The following IGF2BP3 variants were observed in gnomAD, a reference collection of about 807,000 sequenced individuals.
IGF2BP3 encodes insulin like growth factor 2 mRNA binding protein 3.
IGF2BP3 carries 9 observed loss-of-function variants against 73.8 expected under a neutral mutation model. The observed-to-expected ratio is 0.12, with a 90% CI of 0.07 to 0.21. IGF2BP3 has a LOEUF of 0.21. IGF2BP3 is among the 10% of genes least tolerant of loss of function. The pLI is 1.00. For missense variants in IGF2BP3, 542 were observed against 714.0 expected (o/e 0.76, Z 2.75); for synonymous variants, 258 against 256.7 (o/e 1.01, Z -0.05).
chr7:23,414,443 T>A (rs1787125296), intron 3 of IGF2BP3: 1 of 152,130 alleles, frequency 6.6e-6, no homozygotes, highest in South Asian at 2.1e-4. Context: ...GTCACAAGCG[T>A]TTCTGCTGTG....
chr7:23,454,907 T>C (rs1263844185), intron 2 of IGF2BP3, among the ~76,000 whole-genome samples: 1 of 152,242 alleles, frequency 6.6e-6, no homozygotes, highest in East Asian at 1.9e-4. Context: ...TTAAAAAAAT[T>C]ACATGGGCTC....
At chr7:23,438,480 A>C (rs1787855726) in intron 2 of IGF2BP3, among the ~76,000 whole-genome samples, 1 of 152,190 alleles carries the variant, frequency 6.6e-6, no homozygotes, top group African/African-American at 2.4e-5. Context: ...ATTTCAAGGC[A>C]AATATCCAAC....
In IGF2BP3 at chr7:23,312,308, G is replaced by T; in HGVS notation, c.*54C>A. On this transcript the variant is annotated 3_prime_UTR_variant, in exon 15 of 15. Transcript: ENST00000258729. ...GGGTCAGCGCCCATCTGTTGGTTAA[G>T]CAATCTGTCTTTGGTTTGGCATCTG... is the stretch of plus-strand genomic sequence containing the variant. 2 of 1,281,822 alleles carry T rather than the reference G, an allele frequency of 1.6e-6. No homozygotes were observed. The highest frequency in any genetic ancestry group is 2.3e-6 in the Non-Finnish European group (2 of 880,290). The allele number at this position is 1,281,822 out of a possible 1,614,324, so 79.4% of individuals were successfully genotyped here.
chr7:23,334,222 G>A lies in IGF2BP3; in HGVS notation c.1203+7842C>T, dbSNP rs1174817871. Among the ~76,000 whole-genome samples, 3 of 152,166 alleles carry A rather than the reference G, an allele frequency of 2.0e-5. No homozygotes were observed. In the East Asian group the frequency reaches 5.8e-4, roughly 29 times the overall value. ...ACGTGACTGTAATTCCAGCTACTCA[G>A]GAGGCTGAGGCAGGAGAATCGCTCG... On this transcript the variant is annotated intron_variant, in intron 10 of 14. Transcript: ENST00000258729.
chr7:23,394,935 G>A (rs78604594), intron 3 of IGF2BP3, among the ~76,000 whole-genome samples: 57 of 152,298 alleles, frequency 3.7e-4, no homozygotes, highest in African/African-American at 1.3e-3. Context: ...AAACAATAAT[G>A]GAATACTGGA....
At chr7:23,330,464 T>C (rs1396285500) in intron 10 of IGF2BP3, among the ~76,000 whole-genome samples, 4 of 151,646 alleles carry the variant, frequency 2.6e-5, no homozygotes, top group Non-Finnish European at 5.9e-5. Context: ...AGTCCCTTGA[T>C]TGGCCTTGGT....
chr7:23,382,894 CAA>C (rs57466793), intron 3 of IGF2BP3, among the ~76,000 whole-genome samples: 7 of 49,116 alleles, frequency 1.4e-4, no homozygotes, highest in African/African-American at 4.6e-4. Flanking sequence ...CTAGCTCTAC[CAA>C]AAAAAAAAAA....
intron 6 of IGF2BP3, among the ~76,000 whole-genome samples, chr7:23,350,074 T>C (rs1009336656): frequency 2.0e-5 from 3 of 152,188 alleles, no homozygotes; most frequent in African/African-American, 7.2e-5. Context: ...CAGGATCAGA[T>C]GCCACTGCAG....
chr7:23,429,403 T>A (rs1435076973), intron 2 of IGF2BP3, among the ~76,000 whole-genome samples: 3 of 152,212 alleles, frequency 2.0e-5, no homozygotes, highest in Non-Finnish European at 4.4e-5. Context: ...TTTGTCTGAA[T>A]ACACACACAG....
chr7:23,431,640 A>G (rs543914934), intron 2 of IGF2BP3, among the ~76,000 whole-genome samples: 24 of 144,326 alleles, frequency 1.7e-4, no homozygotes, highest in African/African-American at 3.5e-4. Flanking sequence ...AGGAAGGGGG[A>G]AAAAAAAAAG....
At chr7:23,340,117 G>T (rs549348617) in intron 10 of IGF2BP3, among the ~76,000 whole-genome samples, 1 of 152,136 alleles carries the variant, frequency 6.6e-6, no homozygotes, top group Non-Finnish European at 1.5e-5. Flanking sequence ...CAGAGGCAGT[G>T]GGCCAGACCT....
At chr7:23,398,906 T>G (rs551143529) in intron 3 of IGF2BP3, among the ~76,000 whole-genome samples, 3,007 of 152,302 alleles carry the variant, frequency 0.02, 106 homozygotes, top group African/African-American at 0.068. Flanking sequence ...AGAAGCTCTT[T>G]AGTTTAATTA....
intron 3 of IGF2BP3, among the ~76,000 whole-genome samples, chr7:23,375,987 T>A (rs1001713606): frequency 6.6e-6 from 1 of 152,196 alleles, no homozygotes; most frequent in African/African-American, 2.4e-5. Flanking sequence ...TGCTATAGAA[T>A]TGAATTTAGC....
At chr7:23,327,752 T>C (rs1406131643) in intron 10 of IGF2BP3, among the ~76,000 whole-genome samples, 1 of 152,156 alleles carries the variant, frequency 6.6e-6, no homozygotes, top group African/African-American at 2.4e-5. Context: ...ATTTGTGCCA[T>C]TTAATGTCGG....
At chr7:23,373,054 G>A (rs1004856830) in intron 3 of IGF2BP3, among the ~76,000 whole-genome samples, 7 of 152,056 alleles carry the variant, frequency 4.6e-5, no homozygotes, top group African/African-American at 9.7e-5. Context: ...TAAATACACC[G>A]ACGGAAACCA....
chr7:23,325,922 T>C (rs1403266525), intron 10 of IGF2BP3, among the ~76,000 whole-genome samples: 2 of 152,132 alleles, frequency 1.3e-5, no homozygotes, highest in Non-Finnish European at 2.9e-5. Context: ...TATACAAAAA[T>C]CAATTCAAGA....
intron 3 of IGF2BP3, among the ~76,000 whole-genome samples, chr7:23,409,095 C>A (rs1415612486): frequency 6.6e-6 from 1 of 152,112 alleles, no homozygotes; most frequent in African/African-American, 2.4e-5. Flanking sequence ...GTATGCATTC[C>A]TATGAGAATC....
chr7:23,430,889 A>G (rs1266581295), intron 2 of IGF2BP3, among the ~76,000 whole-genome samples: 1 of 152,230 alleles, frequency 6.6e-6, no homozygotes, highest in Admixed American at 6.5e-5. Flanking sequence ...AAGAACTTAG[A>G]GGTCCAGGAA....
intron 2 of IGF2BP3, among the ~76,000 whole-genome samples, chr7:23,461,428 G>A (rs1170492505): frequency 6.6e-6 from 1 of 152,020 alleles, no homozygotes; most frequent in African/African-American, 2.4e-5. Context: ...TAAATTTCTA[G>A]TAAGTATTAG....
Sources: gnomAD v4.1 joint callset for allele counts (sites outside exome capture counted in the v4.1 genomes callset) on GRCh38, gnomAD v4.1.1 for gene constraint, MANE v1.5 for transcripts, NCBI Gene and HGNC (gene_info 2026-07-23, HGNC 2026-07-21) for gene names.